DCBLD1: variants seen among roughly 807,000 people sequenced by gnomAD.
The protein encoded by DCBLD1 is discoidin, CUB and LCCL domain containing 1.
DCBLD1 carries 57 observed loss-of-function variants against 71.5 expected under a neutral mutation model. The observed-to-expected ratio is 0.80, with a 90% CI of 0.64 to 0.99. The LOEUF (loss-of-function observed/expected upper bound fraction) is 0.99, where lower values mean the gene tolerates loss of function less well. Ranked by LOEUF, DCBLD1 falls within the 50% of genes least tolerant of loss-of-function variation. The pLI, the probability that DCBLD1 is intolerant of heterozygous loss-of-function variation, is 0.00. For synonymous variants in DCBLD1, 380 were observed against 363.8 expected (o/e 1.04, Z -0.51); for missense variants, 891 against 923.5 (o/e 0.96, Z 0.46).
At chr6:117,494,482 CATT>C (rs1312264081) in intron 1 of DCBLD1, among the ~76,000 whole-genome samples, 2 of 152,172 alleles carry the variant, frequency 1.3e-5, no homozygotes, top group African/African-American at 2.4e-5. Flanking sequence ...AACATCCTGA[CATT>C]ATTAACAAAG....
At position 117,540,995 on chromosome 6, in the gene DCBLD1, A is replaced by G. The variant is rs769395786; in HGVS notation, c.1327A>G (p.Arg443Gly). 3.1e-6 allele frequency: 5 copies of G among 1,614,120 alleles called. No individual in the cohort carries two copies. Among genetic ancestry groups the G allele is most frequent in the Admixed American group, 1.7e-5 (1 of 60,010 alleles). ...STKKEDETITRPIPSEETSTG... is the reference protein window; with the variant it reads ...STKKEDETITGPIPSEETSTG... ...TAAGAAAGAAGATGAGACAATCACA[A>G]GGCCCATCCCCTCGGAAGAAACATC... The change falls in exon 11 of 15, where the codon AGG becomes GGG. Residue 443 changes from arginine (R) to glycine (G), a missense_variant. Coordinates refer to ENST00000338728, the MANE Select transcript of DCBLD1 (RefSeq NM_001366458.2).
chr6:117,524,526 T>C (rs578062307), intron 4 of DCBLD1, among the ~76,000 whole-genome samples: 210 of 152,188 alleles, frequency 1.4e-3, no homozygotes, highest in Middle Eastern at 6.8e-3. Context: ...TTTTAAAATA[T>C]ATCCTTTTTT....
intron 11 of DCBLD1, among the ~76,000 whole-genome samples, chr6:117,541,814 G>A (rs1779105505): frequency 6.6e-6 from 1 of 152,068 alleles, no homozygotes. Context: ...ATTCTGTTCT[G>A]TAGCATATAT....
At chr6:117,516,506 A>G (rs527611363) in intron 2 of DCBLD1, among the ~76,000 whole-genome samples, 32 of 152,280 alleles carry the variant, frequency 2.1e-4, no homozygotes, top group African/African-American at 7.7e-4. Context: ...GGGTAAGCAT[A>G]TAGCATTTCT....
At chr6:117,537,978 A>AAGTT in intron 7 of DCBLD1, among the ~76,000 whole-genome samples, 1 of 152,328 alleles carries the variant, frequency 6.6e-6, no homozygotes, top group East Asian at 1.9e-4. Flanking sequence ...ATTTTGAATA[A>AAGTT]AGTTACTGAA....
At position 117,531,965 on chromosome 6, in the gene DCBLD1, C is replaced by T. The variant is rs1013730386; in HGVS notation, c.586-295C>T. On this transcript the variant is annotated intron_variant, in intron 5 of 14. Coordinates refer to ENST00000338728, the MANE Select transcript of DCBLD1 (RefSeq NM_001366458.2). ...GGATTGGATTAGTAAGCTCCCTTAG[C>T]CTGGAATCACTCTTGTGGCTGCCAT... Among the ~76,000 whole-genome samples, 23 of 152,298 alleles carry T rather than the reference C, an allele frequency of 1.5e-4. 1 individual carries two copies. The highest frequency in any genetic ancestry group is 1.4e-3 in the Admixed American group (22 of 15,306).
In DCBLD1 at chr6:117,538,625, A is replaced by G. The variant is rs781443922; in HGVS notation, c.766A>G (p.Ser256Gly). The change falls in exon 8 of 15, where the codon AGC (serine) becomes GGC (glycine). Residue 256 changes from serine to glycine, a missense_variant. By Grantham distance (56) the Ser-to-Gly change is moderately conservative. Transcript: ENST00000338728. ...KRFLFTSNGC[S>G]RSLSFEPDGQ... Reference sequence around the variant, plus strand: ...TTACTGCACTCTTTTTTCAGGTTGCAGCAGATCCTTGAGTTTTGAACCTGA... The same window carrying G: ...TTACTGCACTCTTTTTTCAGGTTGCGGCAGATCCTTGAGTTTTGAACCTGA... 1 of 1,613,890 alleles carries G rather than the reference A, an allele frequency of 6.2e-7. No homozygotes were observed. Among genetic ancestry groups the G allele is most frequent in the Non-Finnish European group, 8.5e-7 (1 of 1,179,964 alleles).
rs9689345 is a variant in DCBLD1 at position 117,521,609 on chromosome 6, G to A, written c.512+33G>A. 48,634 of 1,525,880 alleles carry A rather than the reference G, an allele frequency of 0.032. 5,889 individuals carry two copies. The African/African-American group carries it at 0.39, about 12-fold the overall frequency. 94.5% of individuals were successfully genotyped at this position (1,525,880 alleles called of 1,614,324 possible). A position where few individuals can be genotyped will look rare whatever the true frequency, so the allele number is the denominator to read the frequency against. On this transcript the variant is annotated intron_variant, in intron 4 of 14. Transcript: ENST00000338728. ...TAGGTATCCTAACTGTGTTGCAGTC[G>A]TGTATTGCTGAACATTTTGTTTTCT...
exon 15 of DCBLD1, chr6:117,569,848 GT>G: frequency 8.4e-7 from 1 of 1,184,020 alleles, no homozygotes; most frequent in Non-Finnish European, 1.1e-6. Flanking sequence ...CACCTATGCT[GT>G]CTCTATAAAT....
intron 9 of DCBLD1, 141 bp from the exon 10 acceptor site, chr6:117,540,527 C>A: frequency 1.0e-6 from 1 of 972,138 alleles, no homozygotes; most frequent in Non-Finnish European, 1.5e-6. Flanking sequence ...AGCCTCGTAT[C>A]TTCAATATCA....
chr6:117,484,730 A>G (rs1296225535), intron 1 of DCBLD1, among the ~76,000 whole-genome samples: 1 of 152,168 alleles, frequency 6.6e-6, no homozygotes, highest in Non-Finnish European at 1.5e-5. Context: ...GCAATTTCGT[A>G]TTAGACTTTT....
downstream of DCBLD1, among the ~76,000 whole-genome samples, chr6:117,553,664 C>T (rs1036995330): frequency 1.3e-5 from 2 of 152,138 alleles, no homozygotes; most frequent in African/African-American, 4.8e-5. Flanking sequence ...GTACACAAAA[C>T]GTAGTATCCC....
At chr6:117,561,816 T>C (rs1418302316) in intron 14 of DCBLD1, 5 of 207,120 alleles carry the variant, frequency 2.4e-5, no homozygotes, top group African/African-American at 1.1e-4. Flanking sequence ...AGTTAAAACA[T>C]TAAATTTATA....
chr6:117,564,153 A>C (rs1779646536), intron 14 of DCBLD1, among the ~76,000 whole-genome samples: 1 of 151,748 alleles, frequency 6.6e-6, no homozygotes, highest in South Asian at 2.1e-4. Context: ...ATATTTTAAA[A>C]ATTTTTTTGA....
intron 14 of DCBLD1, among the ~76,000 whole-genome samples, chr6:117,559,699 C>CTT (rs1256313385): frequency 6.6e-6 from 1 of 152,158 alleles, no homozygotes; most frequent in Non-Finnish European, 1.5e-5. Flanking sequence ...ATTTGCAATA[C>CTT]TTTTAAAGTG....
In DCBLD1 at chr6:117,519,958, G is replaced by A. The variant is rs1225324478; in HGVS notation, c.460+8G>A. On this transcript the variant is annotated splice_region_variant and intron_variant, in intron 3 of 14. Coordinates refer to ENST00000338728, the MANE Select transcript of DCBLD1 (RefSeq NM_001366458.2). The stretch of plus-strand genomic sequence containing the variant: ...CGAGCAGCGACCATCCAGGTATAAC[G>A]GAAGAATCAACACAAATCTCTAAAT... The A allele has an allele frequency of 4.3e-6, 7 of 1,612,700 alleles. No individual in the cohort carries two copies. The highest frequency in any genetic ancestry group is 3.3e-4 in the Middle Eastern group (2 of 6,078).
intron 1 of DCBLD1, among the ~76,000 whole-genome samples, chr6:117,484,197 T>C (rs191050086): frequency 6.6e-6 from 1 of 152,194 alleles, no homozygotes; most frequent in Non-Finnish European, 1.5e-5. Context: ...TCCAGCAGTA[T>C]GTTCCTGTAC....
intron 5 of DCBLD1, among the ~76,000 whole-genome samples, chr6:117,525,958 T>C (rs1038191785): frequency 6.6e-6 from 1 of 152,228 alleles, no homozygotes; most frequent in African/African-American, 2.4e-5. Flanking sequence ...TCCACTTGTT[T>C]CTATTTACAG....
At chr6:117,502,255 A>G (rs981158264) in intron 1 of DCBLD1, among the ~76,000 whole-genome samples, 1 of 152,148 alleles carries the variant, frequency 6.6e-6, no homozygotes, top group African/African-American at 2.4e-5. Flanking sequence ...AGGGCTTCAT[A>G]GTAGTTTTAT....
Sources: allele counts gnomAD v4.1 joint callset (sites outside exome capture counted in the v4.1 genomes callset), GRCh38; gene constraint gnomAD v4.1.1; transcripts MANE v1.5; gene names NCBI Gene and HGNC (gene_info 2026-07-23, HGNC 2026-07-21).